RUFY1: variants seen among roughly 807,000 people sequenced by gnomAD.
RUFY1 encodes the protein RUN and FYVE domain-containing protein 1.
Under a neutral mutation model 94.6 loss-of-function variants are expected in RUFY1, and 54 were observed. The ratio of observed to expected loss-of-function variants is 0.57; its 90% confidence interval spans 0.46 to 0.72. The LOEUF (loss-of-function observed/expected upper bound fraction) is 0.72, where lower values mean the gene tolerates loss of function less well. Ranked by LOEUF, RUFY1 falls within the 30% of genes least tolerant of loss-of-function variation. The pLI, the probability that RUFY1 is intolerant of heterozygous loss-of-function variation, is 0.00. For synonymous variants in RUFY1, 396 were observed against 347.3 expected, an observed-to-expected ratio of 1.14 and a Z score of -1.56; for missense variants, 883 against 883.9, an observed-to-expected ratio of 1.00 and a Z score of 0.01.
intron 6 of RUFY1, among the ~76,000 whole-genome samples, chr5:179,579,641 A>ATACCC (rs1262384508): frequency 2.3e-4 from 19 of 81,148 alleles, no homozygotes; most frequent in Non-Finnish European, 2.6e-5. Context: ...CTAACAAAAT[A>ATACCC]TACCCTTTTC....
chr5:179,609,046 C>CT (rs779541582), intron 17 of RUFY1, among the ~76,000 whole-genome samples: 190 of 151,766 alleles, frequency 1.3e-3, no homozygotes, highest in Non-Finnish European at 2.0e-3. Flanking sequence ...GGTGAAACCC[C>CT]GTCTCTACTA....
chr5:179,599,883 C>T (rs1413193481), intron 14 of RUFY1, among the ~76,000 whole-genome samples: 3 of 152,236 alleles, frequency 2.0e-5, no homozygotes, highest in East Asian at 1.9e-4. Flanking sequence ...TTGTGTTGAA[C>T]GTGGTAATGG....
At chr5:179,587,849 T>A (rs572311679) in intron 8 of RUFY1, among the ~76,000 whole-genome samples, 1 of 151,958 alleles carries the variant, frequency 6.6e-6, no homozygotes, top group South Asian at 2.1e-4. Context: ...CTGGGCAACA[T>A]GGCAACACCC....
chr5:179,598,614 C>T (rs1164394768), intron 13 of RUFY1, 78 bp from the exon 14 acceptor site: 43 of 1,548,124 alleles, frequency 2.8e-5, no homozygotes, highest in Non-Finnish European at 3.8e-5. Flanking sequence ...TCCCTGTTTC[C>T]TGGGCGGTGA....
chr5:179,564,722 C>A (rs6422329), intron 3 of RUFY1, among the ~76,000 whole-genome samples: 151,543 of 152,126 alleles, frequency 1, 75,483 homozygotes, highest in Middle Eastern at 1. Context: ...CAGCAATTCC[C>A]CTTACATACA....
intron 14 of RUFY1, chr5:179,600,132 C>T (rs1581552568): frequency 1.3e-5 from 2 of 152,340 alleles, no homozygotes; most frequent in African/African-American, 4.8e-5. Context: ...AATTACAGCC[C>T]GCCCCAACAA....
intron 5 of RUFY1, among the ~76,000 whole-genome samples, chr5:179,576,640 C>T (rs773811716): frequency 6.6e-6 from 1 of 152,052 alleles, no homozygotes; most frequent in Non-Finnish European, 1.5e-5. Flanking sequence ...AGGCTGGTTT[C>T]GAACTCCTGA....
chr5:179,557,878 C>T (rs949225487), intron 1 of RUFY1, among the ~76,000 whole-genome samples: 2 of 152,064 alleles, frequency 1.3e-5, no homozygotes, highest in African/African-American at 4.8e-5. Context: ...TCATCAAGGG[C>T]GACACCACCT....
intron 15 of RUFY1, among the ~76,000 whole-genome samples, chr5:179,605,460 C>G (rs1274144574): frequency 1.3e-5 from 2 of 152,172 alleles, no homozygotes; most frequent in African/African-American, 4.8e-5. Flanking sequence ...GAGCCTTCCC[C>G]CTTCCAGACA....
intron 15 of RUFY1, chr5:179,602,706 G>T (rs1360780663): frequency 6.6e-6 from 1 of 152,294 alleles, no homozygotes; most frequent in East Asian, 1.9e-4. Context: ...AGCAAAAGAA[G>T]CCATCAGGAA....
intron 17 of RUFY1, among the ~76,000 whole-genome samples, chr5:179,609,101 C>T (rs1381924741): frequency 1.3e-5 from 2 of 150,308 alleles, no homozygotes; most frequent in African/African-American, 4.9e-5. Flanking sequence ...CACCTGTAGA[C>T]CCAGCTACTG....
At chr5:179,609,266 C>A (rs1220218568) in intron 17 of RUFY1, 110 bp from the exon 18 acceptor site, 11 of 1,049,790 alleles carry the variant, frequency 1.0e-5, no homozygotes, top group African/African-American at 3.3e-5. Flanking sequence ...CCCACAGAAA[C>A]ATAAGAACCC....
At chr5:179,562,755 T>C in intron 3 of RUFY1, 91 bp downstream of exon 3, 4 of 750,540 alleles carry the variant, frequency 5.3e-6, no homozygotes, top group Non-Finnish European at 2.4e-6. Flanking sequence ...AAGCCCTTTC[T>C]AATTGGAAAG....
At chr5:179,589,670 G>A in intron 9 of RUFY1, 23 bp downstream of exon 9, 3 of 1,525,840 alleles carry the variant, frequency 2.0e-6, no homozygotes, top group Non-Finnish European at 2.7e-6. Flanking sequence ...CCTACATTTG[G>A]GCAGCATGTT....
intron 1 of RUFY1, among the ~76,000 whole-genome samples, chr5:179,553,604 T>C (rs563686244): frequency 2.0e-5 from 3 of 150,990 alleles, no homozygotes; most frequent in South Asian, 2.1e-4. Context: ...GCCAACATGG[T>C]GAAACCCTAT....
At chr5:179,560,960 C>G (rs2127511555) in intron 2 of RUFY1, among the ~76,000 whole-genome samples, 2 of 152,206 alleles carry the variant, frequency 1.3e-5, no homozygotes, top group African/African-American at 4.8e-5. Context: ...CTTGTAATCC[C>G]AGCACCTTGG....
intron 12 of RUFY1, among the ~76,000 whole-genome samples, chr5:179,595,297 G>A (rs554246960): frequency 9.3e-4 from 142 of 152,264 alleles, no homozygotes; most frequent in African/African-American, 3.4e-3. Flanking sequence ...GGCTAAAACG[G>A]TGAAACCCCG....
At chr5:179,596,449 A>T in intron 12 of RUFY1, 113 bp from the exon 13 acceptor site, 1 of 1,360,412 alleles carries the variant, frequency 7.4e-7, no homozygotes, top group Admixed American at 1.7e-5. Flanking sequence ...GTTAAAACTC[A>T]CAAGAGTTAA....
intron 15 of RUFY1, among the ~76,000 whole-genome samples, chr5:179,604,711 GGGGCTC>G (rs1385801685): frequency 5.9e-5 from 9 of 152,166 alleles, no homozygotes; most frequent in Admixed American, 1.3e-4. Flanking sequence ...GCTGGGCGTG[GGGGCTC>G]AGGCCTCTAA....
Sources: allele counts gnomAD v4.1 joint callset (sites outside exome capture counted in the v4.1 genomes callset), GRCh38; gene constraint gnomAD v4.1.1; transcripts MANE v1.5; gene names NCBI Gene and HGNC (gene_info 2026-07-23, HGNC 2026-07-21).